The following WWOX variants were observed in gnomAD, a reference collection of about 807,000 sequenced individuals.
WWOX encodes WW domain containing oxidoreductase.
Under a neutral mutation model 46.2 loss-of-function variants are expected in WWOX, and 69 were observed. The ratio of observed to expected loss-of-function variants is 1.49; its 90% CI spans 1.23 to 1.82. WWOX has a LOEUF of 1.82. Among genes scored for constraint, WWOX ranks in the 40% most tolerant of loss-of-function variants. The pLI, the probability that WWOX is intolerant of heterozygous loss-of-function variation, is 0.00. For synonymous variants in WWOX, 359 were observed against 202.6 expected (o/e 1.77, Z -6.56); for missense variants, 919 against 542.6 (o/e 1.69, Z -6.89).
Position 78,821,225 on chromosome 16 carries a change from AG to A in WWOX, c.1056+388474del, listed in dbSNP as rs2051484264. On this transcript the variant is annotated intron_variant, in intron 8 of 8. Transcript: ENST00000566780. Reference sequence around the variant, plus strand: ...CCCATCTACTTATCCCTGCATGTTGAGCATCGTCTGTTACCTGAAGAGCAGA... The same window carrying A: ...CCCATCTACTTATCCCTGCATGTTGACATCGTCTGTTACCTGAAGAGCAGA... Among the ~76,000 whole-genome samples, 9 of 152,148 alleles carry A rather than the reference AG, an allele frequency of 5.9e-5. No individual in the cohort carries two copies. In the South Asian group the frequency reaches 1.9e-3, roughly 32 times the overall value.
chr16:79,198,909 A>G (rs1169184071), intron 8 of WWOX, among the ~76,000 whole-genome samples: 8 of 152,130 alleles, frequency 5.3e-5, no homozygotes, highest in African/African-American at 1.9e-4. Flanking sequence ...TTCCTGCTTC[A>G]CTTGTGCTGT....
intron 8 of WWOX, among the ~76,000 whole-genome samples, chr16:78,603,774 T>A (rs932228126): frequency 3.3e-5 from 5 of 152,134 alleles, no homozygotes; most frequent in African/African-American, 1.2e-4. Flanking sequence ...TCTTATCTAG[T>A]TGGAACAAGT....
At chr16:78,953,688 T>C (rs1231271936) in intron 8 of WWOX, among the ~76,000 whole-genome samples, 1 of 152,126 alleles carries the variant, frequency 6.6e-6, no homozygotes, top group African/African-American at 2.4e-5. Context: ...CGGTAGGCAG[T>C]GACAGAAGAG....
intron 8 of WWOX, among the ~76,000 whole-genome samples, chr16:78,654,340 C>T (rs913824231): frequency 3.3e-5 from 5 of 152,190 alleles, no homozygotes; most frequent in South Asian, 2.1e-4. Context: ...CAATCATCAT[C>T]GTCATCCTCA....
At chr16:79,184,194 A>G (rs919049808) in intron 8 of WWOX, among the ~76,000 whole-genome samples, 3 of 152,208 alleles carry the variant, frequency 2.0e-5, no homozygotes, top group African/African-American at 7.2e-5. Flanking sequence ...ACTAATTCAA[A>G]TTCATTGAGT....
intron 8 of WWOX, among the ~76,000 whole-genome samples, chr16:78,949,979 A>G (rs1054616160): frequency 9.9e-5 from 15 of 152,218 alleles, no homozygotes; most frequent in Admixed American, 8.5e-4. Flanking sequence ...CCTAGCTATA[A>G]TACTCCCATT....
At chr16:79,136,043 C>T (rs1463707826) in intron 8 of WWOX, among the ~76,000 whole-genome samples, 1 of 152,118 alleles carries the variant, frequency 6.6e-6, no homozygotes, top group Non-Finnish European at 1.5e-5. Context: ...GCAATTTTAA[C>T]TTTCTATATT....
chr16:78,739,269 T>C (rs942985884), intron 8 of WWOX, among the ~76,000 whole-genome samples: 3 of 152,178 alleles, frequency 2.0e-5, no homozygotes, highest in African/African-American at 7.2e-5. Flanking sequence ...CATGGAAGGG[T>C]GCTTGTTCAG....
At chr16:78,695,651 A>G (rs1186826575) in intron 8 of WWOX, among the ~76,000 whole-genome samples, 3 of 152,222 alleles carry the variant, frequency 2.0e-5, no homozygotes, top group South Asian at 2.1e-4. Flanking sequence ...AGCTGGAAAT[A>G]AAACTGTGTA....
intron 8 of WWOX, among the ~76,000 whole-genome samples, chr16:78,857,444 A>G (rs945905287): frequency 3.3e-5 from 5 of 152,158 alleles, no homozygotes; most frequent in Non-Finnish European, 7.4e-5. Flanking sequence ...CTTTTTTTCC[A>G]TGATGCATGA....
chr16:78,886,485 C>A (rs1005348390), intron 8 of WWOX, among the ~76,000 whole-genome samples: 2 of 151,786 alleles, frequency 1.3e-5, no homozygotes, highest in Non-Finnish European at 2.9e-5. Flanking sequence ...TTGAACATCT[C>A]TGTACAAAAT....
At chr16:79,157,983 G>A (rs1306518188) in intron 8 of WWOX, among the ~76,000 whole-genome samples, 2 of 152,164 alleles carry the variant, frequency 1.3e-5, no homozygotes, top group Non-Finnish European at 2.9e-5. Context: ...AGGTGGTGGG[G>A]TGTAAGTTCT....
At chr16:78,905,930 T>A (rs1220311406) in intron 8 of WWOX, among the ~76,000 whole-genome samples, 1 of 152,188 alleles carries the variant, frequency 6.6e-6, no homozygotes, top group Non-Finnish European at 1.5e-5. Context: ...CCCACCTATG[T>A]TGATTAATTA....
chr16:78,598,891 C>G (rs898601902), intron 8 of WWOX, among the ~76,000 whole-genome samples: 1 of 152,128 alleles, frequency 6.6e-6, no homozygotes, highest in African/African-American at 2.4e-5. Context: ...CTGTTCTAAA[C>G]ACATGACACC....
At chr16:78,196,648 C>G (rs2036061971) in intron 5 of WWOX, among the ~76,000 whole-genome samples, 2 of 152,178 alleles carry the variant, frequency 1.3e-5, no homozygotes, top group Non-Finnish European at 2.9e-5. Context: ...CGAACCTTGT[C>G]TCCACTGAGA....
intron 8 of WWOX, among the ~76,000 whole-genome samples, chr16:78,805,965 C>T (rs1056225199): frequency 3.3e-5 from 5 of 152,124 alleles, no homozygotes; most frequent in Admixed American, 6.5e-5. Context: ...CCTATAATCT[C>T]GAGACAGAAG....
chr16:79,095,860 CTTTT>C (rs775730124), intron 8 of WWOX, among the ~76,000 whole-genome samples: 4 of 118,486 alleles, frequency 3.4e-5, no homozygotes, highest in Non-Finnish European at 6.8e-5. Context: ...CTCTCTCTCT[CTTTT>C]TTTTTTTTTT....
At chr16:78,779,990 C>A (rs999433989) in intron 8 of WWOX, among the ~76,000 whole-genome samples, 1 of 152,214 alleles carries the variant, frequency 6.6e-6, no homozygotes, top group Admixed American at 6.5e-5. Flanking sequence ...GTTGTGTCTT[C>A]TGTGTCAACA....
intron 5 of WWOX, among the ~76,000 whole-genome samples, chr16:78,205,257 T>G (rs1325296949): frequency 6.6e-6 from 1 of 152,208 alleles, no homozygotes; most frequent in East Asian, 1.9e-4. Context: ...GAATTATTAC[T>G]GTTGAAAAGA....
Sources: gnomAD v4.1 joint callset for allele counts (sites outside exome capture counted in the v4.1 genomes callset) on GRCh38, gnomAD v4.1.1 for gene constraint, MANE v1.5 for transcripts, NCBI Gene and HGNC (gene_info 2026-07-23, HGNC 2026-07-21) for gene names.